The following CFAP54 variants were observed in gnomAD, a reference collection of about 807,000 sequenced individuals.
CFAP54 encodes cilia and flagella associated protein 54.
A neutral mutation model predicts 370.4 loss-of-function variants in CFAP54; 290 were observed. The observed-to-expected ratio is 0.78, with a 90% CI of 0.71 to 0.86. The LOEUF is 0.86. Among genes scored for constraint, CFAP54 ranks in the 40% least tolerant of loss-of-function variants. The pLI is 0.00. For synonymous variants in CFAP54, 1,206 were observed against 1,236.5 expected, an observed-to-expected ratio of 0.98 and a Z score of 0.52; for missense variants, 3,399 against 3,528.7, an observed-to-expected ratio of 0.96 and a Z score of 0.93.
At chr12:96,613,675 G>T (rs1052735157) in intron 26 of CFAP54, among the ~76,000 whole-genome samples, 10 of 152,220 alleles carry the variant, frequency 6.6e-5, no homozygotes, top group Admixed American at 6.5e-4. Context: ...AATAAAAAAT[G>T]ATAAAGGGGA....
Position 96,503,893 on chromosome 12 carries a change from A to C in CFAP54, c.431A>C (p.Lys144Thr), listed in dbSNP as rs1158255998. The C allele has an allele frequency of 6.7e-7, 1 of 1,487,842 alleles. No individual in the cohort carries two copies. The highest frequency in any genetic ancestry group is 8.9e-7 in the Non-Finnish European group (1 of 1,128,192). The allele number at this position is 1,487,842 out of a possible 1,614,324, so 92.2% of individuals were successfully genotyped here. A position where few individuals can be genotyped will look rare whatever the true frequency, so the allele number is the denominator to read the frequency against. Residue 144 changes from lysine (K) to threonine (T), a missense_variant, in exon 3 of 68, where the codon AAA becomes ACA. Coordinates refer to ENST00000524981, the MANE Select transcript of CFAP54 (RefSeq NM_001306084.2). ...GTACTCCTTTTGTTTCAGGAATACAAACTGGCCCTTTTACAATGCTATGGA... is the reference window on the plus strand; with the variant it reads ...GTACTCCTTTTGTTTCAGGAATACACACTGGCCCTTTTACAATGCTATGGA... ...GDSLCQMKEY[K>T]LALLQCYGRY...
intron 13 of CFAP54, among the ~76,000 whole-genome samples, chr12:96,540,626 T>G (rs1955559611): frequency 6.6e-6 from 1 of 152,244 alleles, no homozygotes; most frequent in Admixed American, 6.5e-5. Flanking sequence ...TGAATTTATA[T>G]AAACAGATTG....
intron 1 of CFAP54, among the ~76,000 whole-genome samples, chr12:96,500,385 A>G (rs763140901): frequency 2.0e-5 from 3 of 152,228 alleles, no homozygotes; most frequent in Non-Finnish European, 4.4e-5. Context: ...TAGACATTAT[A>G]TACATTTGTC....
chr12:96,708,057 A>G (rs1397240089), intron 47 of CFAP54, among the ~76,000 whole-genome samples: 1 of 152,148 alleles, frequency 6.6e-6, no homozygotes, highest in Admixed American at 6.6e-5. Context: ...GATGCAGACC[A>G]TAAGAGGGCT....
intron 1 of CFAP54, among the ~76,000 whole-genome samples, chr12:96,493,939 A>G (rs953861012): frequency 2.0e-5 from 3 of 152,242 alleles, no homozygotes; most frequent in African/African-American, 4.8e-5. Context: ...GCAATTTTCA[A>G]TAAGGTGGTC....
chr12:96,606,228 T>C (rs1025817374), intron 26 of CFAP54, among the ~76,000 whole-genome samples: 13 of 152,200 alleles, frequency 8.5e-5, no homozygotes, highest in African/African-American at 3.1e-4. Flanking sequence ...GGAACAGCTT[T>C]GTTGGCAGAG....
Position 96,647,990 on chromosome 12 carries a change from A to G in CFAP54, c.4663A>G (p.Lys1555Glu). 2 of 1,504,288 alleles carry G rather than the reference A, an allele frequency of 1.3e-6. No homozygotes were observed. Among genetic ancestry groups the G allele is most frequent in the Non-Finnish European group, 8.8e-7 (1 of 1,137,864 alleles). The allele number at this position is 1,504,288 out of a possible 1,614,324, so 93.2% of individuals were successfully genotyped here. A position where few individuals can be genotyped will look rare whatever the true frequency, so the allele number is the denominator to read the frequency against. ...AATGCTTGATTTCCTTCTTACAGCC[A>G]AAAAAAGAAAGGCCAACTTACCATC... is the stretch of plus-strand genomic sequence containing the variant. The part of the protein sequence containing the change: ...KAMLDFLLTA[K>E]KRKANLPSDA... Residue 1555 changes from lysine to glutamate, a missense_variant, in exon 34 of 68, where the codon AAA becomes GAA. Transcript: ENST00000524981.
chr12:96,536,987 A>T (rs76266920), intron 12 of CFAP54, among the ~76,000 whole-genome samples: 19 of 147,412 alleles, frequency 1.3e-4, no homozygotes, highest in Admixed American at 1.3e-4. Context: ...TCAATTCAAT[A>T]CAATTCAATT....
At chr12:96,611,202 G>A (rs1450060050) in intron 26 of CFAP54, among the ~76,000 whole-genome samples, 1 of 152,236 alleles carries the variant, frequency 6.6e-6, no homozygotes, top group Non-Finnish European at 1.5e-5. Context: ...CCAGAGGAAT[G>A]ATCAGGCAGC....
At chr12:96,736,336 A>G (rs1415523960) in intron 50 of CFAP54, among the ~76,000 whole-genome samples, 1 of 152,114 alleles carries the variant, frequency 6.6e-6, no homozygotes, top group East Asian at 1.9e-4. Flanking sequence ...TACCAGAGAG[A>G]GAGAGAGCAC....
At position 96,576,965 on chromosome 12, in the gene CFAP54, CT is replaced by C. The variant is rs540936057; in HGVS notation, c.2796+205del. On this transcript the variant is annotated intron_variant, in intron 20 of 67. Coordinates refer to ENST00000524981, the MANE Select transcript of CFAP54 (RefSeq NM_001306084.2). The stretch of plus-strand genomic sequence containing the variant: ...TATGCTGTTATATTTATGATATGCT[CT>C]GTATTGCATTGCTATACCCAAATAT... 5.2e-4 allele frequency among the ~76,000 whole-genome samples: 79 copies of C among 152,296 alleles called. No homozygotes were observed. The Middle Eastern group carries it at 0.01, about 20-fold the overall frequency.
intron 40 of CFAP54, among the ~76,000 whole-genome samples, chr12:96,683,141 T>C (rs1426360832): frequency 2.0e-5 from 3 of 152,228 alleles, no homozygotes; most frequent in Non-Finnish European, 4.4e-5. Context: ...AAACAAATTA[T>C]TATGAAGCTC....
At chr12:96,542,471 C>T (rs1455958581) in intron 14 of CFAP54, among the ~76,000 whole-genome samples, 2 of 152,110 alleles carry the variant, frequency 1.3e-5, no homozygotes, top group Non-Finnish European at 2.9e-5. Flanking sequence ...CTTTTAAAAA[C>T]TTTTGTTATG....
At chr12:96,813,090 A>G (rs192438106) in intron 64 of CFAP54, among the ~76,000 whole-genome samples, 37 of 152,356 alleles carry the variant, frequency 2.4e-4, no homozygotes, top group Non-Finnish European at 3.4e-4. Flanking sequence ...CCAGAAATGT[A>G]GATTTTTCCA....
At chr12:96,731,878 T>TA (rs920724742) in intron 50 of CFAP54, among the ~76,000 whole-genome samples, 14 of 151,152 alleles carry the variant, frequency 9.3e-5, no homozygotes, top group Admixed American at 7.3e-4. Flanking sequence ...CAACAAACTT[T>TA]AAAAAAAAAG....
Position 96,503,890 on chromosome 12 carries a change from A to G in CFAP54, c.428A>G (p.Tyr143Cys), listed in dbSNP as rs759425003. The G allele has an allele frequency of 3.4e-6, 5 of 1,481,218 alleles. No individual in the cohort carries two copies. The South Asian group carries it at 6.8e-5, about 20-fold the overall frequency. The allele number at this position is 1,481,218 out of a possible 1,614,324, so 91.8% of individuals were successfully genotyped here. A position where few individuals can be genotyped will look rare whatever the true frequency, so the allele number is the denominator to read the frequency against. ...VGDSLCQMKE[Y>C]KLALLQCYGR... is the part of the protein sequence containing the mutation. ...CAAGTACTCCTTTTGTTTCAGGAAT[A>G]CAAACTGGCCCTTTTACAATGCTAT... is the stretch of plus-strand genomic sequence containing the variant. Residue 143 changes from tyrosine (Y) to cysteine (C), a missense_variant, in exon 3 of 68, where the codon TAC (tyrosine) becomes TGC (cysteine). By Grantham distance (194) the Tyr-to-Cys change is radical (BLOSUM62 -2). Transcript: ENST00000524981.
chr12:96,593,174 A>T (rs920418777), intron 24 of CFAP54, among the ~76,000 whole-genome samples: 2 of 152,190 alleles, frequency 1.3e-5, no homozygotes, highest in Non-Finnish European at 1.5e-5. Context: ...CCTATCTCCT[A>T]TTGATAGATT....
chr12:96,742,496 G>A lies in CFAP54; in HGVS notation c.7129G>A (p.Glu2377Lys). 6.2e-7 allele frequency: 1 copy of A among 1,611,672 alleles called. No homozygotes were observed. Among genetic ancestry groups the A allele is most frequent in the Non-Finnish European group, 8.5e-7 (1 of 1,178,260 alleles). ...AGATCCTATTTCCCTAAATGCCCGA[G>A]AATATTTCAACATTCATCTGTGGTT... Reference protein sequence around the residue: ...FLDPISLNAREYFNIHLWLRC... With the variant: ...FLDPISLNARKYFNIHLWLRC... Residue 2377 changes from glutamate (E) to lysine (K), a missense_variant, in exon 52 of 68, where the codon GAA becomes AAA. Physicochemically the swap from Glu to Lys is moderately conservative, Grantham distance 56. This residue lies in a region of CFAP54 where 2,796 missense variants were observed against 2,869.7 expected (regional missense o/e 0.97). Transcript: ENST00000524981.
At chr12:96,854,978 T>C (rs900882417) in intron 66 of CFAP54, among the ~76,000 whole-genome samples, 1 of 152,182 alleles carries the variant, frequency 6.6e-6, no homozygotes, top group Non-Finnish European at 1.5e-5. Context: ...AGAGGTTTAA[T>C]TGAATCACAG....
Sources: gnomAD v4.1 joint callset for allele counts (sites outside exome capture counted in the v4.1 genomes callset) on GRCh38, gnomAD v4.1.1 for gene constraint, gnomAD v4.1.1 regional missense constraint, MANE v1.5 for transcripts, NCBI Gene and HGNC (gene_info 2026-07-23, HGNC 2026-07-21) for gene names.